Variants in ZNF320 observed in about 807,000 individuals in gnomAD.
The protein encoded by ZNF320 is zinc finger protein 320.
Under a neutral mutation model 6.8 loss-of-function variants are expected in ZNF320, and 2 were observed. The ratio of observed to expected loss-of-function variants is 0.29; its 90% confidence interval spans 0.12 to 0.93. ZNF320 has a LOEUF of 0.93. Among genes scored for constraint, ZNF320 ranks in the 40% least tolerant of loss-of-function variants. ZNF320 has a pLI of 0.55. For synonymous variants in ZNF320, 208 were observed against 203.2 expected (o/e 1.02, Z -0.20); for missense variants, 472 against 611.0 (o/e 0.77, Z 2.40).
Position 52,880,864 on chromosome 19 carries a change from A to G in ZNF320, c.1262T>C (p.Val421Ala), listed in dbSNP as rs376084625. Residue 421 changes from valine (V) to alanine (A), a missense_variant, in exon 6 of 6, where the codon GTT (valine) becomes GCT (alanine). By Grantham distance (64) the Val-to-Ala change is moderately conservative (BLOSUM62 0). This residue lies in a region of ZNF320 where 462 missense variants were observed against 559.7 expected (regional missense o/e 0.83). Transcript: ENST00000682928. The part of the protein sequence containing the change: ...KLYECEECDK[V>A]YIRKSHLERH... ...TTCAAGGTGTGATTTGCGAATGTAA[A>G]CTTTGTCACATTCTTCACATTCGTA... is the stretch of plus-strand genomic sequence containing the variant. The G allele has an allele frequency of 8.1e-5, 131 of 1,613,786 alleles. No homozygotes were observed. Among genetic ancestry groups the G allele is most frequent in the Non-Finnish European group, 1.0e-4 (121 of 1,179,866 alleles).
intron 5 of ZNF320, among the ~76,000 whole-genome samples, chr19:52,885,097 G>A (rs1238298587): frequency 6.6e-6 from 1 of 152,126 alleles, no homozygotes; most frequent in Non-Finnish European, 1.5e-5. Flanking sequence ...AGCTACTTGA[G>A]AGGCTGAGGC....
At chr19:52,892,903 C>G (rs2147885850) in intron 2 of ZNF320, among the ~76,000 whole-genome samples, 1 of 145,178 alleles carries the variant, frequency 6.9e-6, no homozygotes, top group South Asian at 2.3e-4. Flanking sequence ...ATGAGACTCC[C>G]TCTTTGCTGT....
the ZNF320 span, among the ~76,000 whole-genome samples, chr19:52,902,786 G>A: frequency 6.6e-6 from 1 of 152,200 alleles, no homozygotes; most frequent in East Asian, 1.9e-4. Flanking sequence ...GTTAGATTTT[G>A]TAGACTCTTT....
In ZNF320 at chr19:52,888,098, C is replaced by T. The variant is rs201550166; in HGVS notation, c.142+29G>A. On this transcript the variant is annotated intron_variant, in intron 5 of 5. Transcript: ENST00000682928. ...AATACAAAGATCCACAAGGGCACAT[C>T]CCCACTTCTGGAGGGAAGTTATCCT... 13,218 of 1,600,860 alleles carry T rather than the reference C, an allele frequency of 8.3e-3. 43 individuals carry two copies. Among genetic ancestry groups the T allele is most frequent in the Non-Finnish European group, 0.01 (11,980 of 1,175,596 alleles).
chr19:52,893,620 C>T (rs982830436), intron 2 of ZNF320, 159 bp downstream of exon 2: 4 of 152,046 alleles, frequency 2.6e-5, no homozygotes, highest in African/African-American at 9.7e-5. Context: ...GCACTCCAGC[C>T]TGTCGACAAA....
intron 5 of ZNF320, chr19:52,864,173 C>T (rs759016212): frequency 4.1e-6 from 1 of 244,116 alleles, no homozygotes; most frequent in South Asian, 6.0e-5. Flanking sequence ...AAATGAGAAA[C>T]ACGTTTAAAT....
intron 5 of ZNF320, among the ~76,000 whole-genome samples, chr19:52,883,016 G>A (rs1342533152): frequency 1.3e-5 from 2 of 151,946 alleles, no homozygotes; most frequent in East Asian, 3.9e-4. Context: ...TGTGGAACAG[G>A]CATGTTGTAA....
intron 5 of ZNF320, chr19:52,883,498 A>G: frequency 5.6e-6 from 2 of 357,662 alleles, no homozygotes; most frequent in South Asian, 4.0e-5. Context: ...GAAAAAGGCC[A>G]TAACTTGTAG....
chr19:52,869,756 C>G (rs925738630), intron 5 of ZNF320, among the ~76,000 whole-genome samples: 1 of 152,032 alleles, frequency 6.6e-6, no homozygotes, highest in Non-Finnish European at 1.5e-5. Context: ...TCCTCTCTCA[C>G]CCAGGCTGGA....
chr19:52,891,577 T>TG (rs572697906), intron 2 of ZNF320, among the ~76,000 whole-genome samples: 221 of 152,128 alleles, frequency 1.5e-3, no homozygotes, highest in African/African-American at 5.1e-3. Flanking sequence ...TTTTGATGTT[T>TG]GGGGAAAGAG....
chr19:52,869,742 G>A (rs535846399), intron 5 of ZNF320, among the ~76,000 whole-genome samples: 1 of 151,992 alleles, frequency 6.6e-6, no homozygotes, highest in East Asian at 1.9e-4. Context: ...TAGAGACAGA[G>A]TCTTCCTCTC....
At chr19:52,901,757 A>G (rs1285393715), upstream of ZNF320, among the ~76,000 whole-genome samples, 2 of 152,208 alleles carry the variant, frequency 1.3e-5, no homozygotes, top group Admixed American at 1.3e-4. Flanking sequence ...TGTTTTGCCT[A>G]AGAGTTAGCT....
intron 5 of ZNF320, among the ~76,000 whole-genome samples, chr19:52,886,383 C>A (rs950427814): frequency 3.9e-5 from 6 of 152,144 alleles, no homozygotes; most frequent in Admixed American, 2.6e-4. Context: ...GATCTGCCCA[C>A]CTCGGCATCC....
intron 5 of ZNF320, among the ~76,000 whole-genome samples, chr19:52,886,659 G>A (rs2064088602): frequency 6.6e-6 from 1 of 152,066 alleles, no homozygotes; most frequent in South Asian, 2.1e-4. Flanking sequence ...ACCATGGTTG[G>A]GCATGGCAGC....
chr19:52,865,103 C>T (rs2063519706), intron 5 of ZNF320, among the ~76,000 whole-genome samples: 2 of 151,974 alleles, frequency 1.3e-5, no homozygotes, highest in Admixed American at 1.3e-4. Flanking sequence ...GGGCAGATCA[C>T]CTGAGGTCAG....
exon 6 of ZNF320, among the ~76,000 whole-genome samples, chr19:52,861,392 G>T (rs553430070): frequency 1.3e-5 from 2 of 152,194 alleles, no homozygotes; most frequent in Non-Finnish European, 2.9e-5. Context: ...CCATATTGAT[G>T]GATTGGAAAA....
At chr19:52,865,285 G>C in intron 5 of ZNF320, 1 of 226,802 alleles carries the variant, frequency 4.4e-6, no homozygotes, top group South Asian at 6.5e-5. Context: ...TCGTGCTACT[G>C]GACTCCAGAC....
At chr19:52,885,109 G>C (rs1439623407) in intron 5 of ZNF320, among the ~76,000 whole-genome samples, 1 of 152,104 alleles carries the variant, frequency 6.6e-6, no homozygotes, top group Non-Finnish European at 1.5e-5. Context: ...GGCTGAGGCA[G>C]GAGAATCACT....
chr19:52,881,680 C>G lies in ZNF320; in HGVS notation c.446G>C (p.Arg149Pro). The change falls in exon 6 of 6, where the codon CGA becomes CCA. Residue 149 changes from arginine (R) to proline (P), a missense_variant. By Grantham distance (103) the Arg-to-Pro change is moderately radical. Transcript: ENST00000682928. Reference protein sequence around the residue: ...QLESRFHLHLRRHRRIHTGEK... With the variant: ...QLESRFHLHLPRHRRIHTGEK... ...TCCAGTATGAATTCTCCTATGTCTT[C>G]GCAAATGCAAATGAAATCTTGATTC... is the stretch of plus-strand genomic sequence containing the variant. 6.2e-7 allele frequency: 1 copy of G among 1,613,964 alleles called. No homozygotes were observed. Among genetic ancestry groups the G allele is most frequent in the South Asian group, 1.1e-5 (1 of 91,070 alleles).
Sources: allele counts gnomAD v4.1 joint callset (sites outside exome capture counted in the v4.1 genomes callset), GRCh38; gene constraint gnomAD v4.1.1; regional missense constraint gnomAD v4.1.1; transcripts MANE v1.5; gene names NCBI Gene and HGNC (gene_info 2026-07-23, HGNC 2026-07-21).